The following FAM107B variants were observed in gnomAD, a reference collection of about 807,000 sequenced individuals.
FAM107B encodes the protein family with sequence similarity 107 member B, also known as protein FAM107B.
In FAM107B, 21 loss-of-function variants were observed where a neutral mutation model predicts 31.5. The ratio of observed to expected loss-of-function variants is 0.67; its 90% CI spans 0.47 to 0.96. The LOEUF (loss-of-function observed/expected upper bound fraction) is 0.96, where lower values mean the gene tolerates loss of function less well. Ranked by LOEUF, FAM107B falls within the 40% of genes least tolerant of loss-of-function variation. The probability of loss-of-function intolerance (pLI) is 0.00; values close to 1 mark genes in which losing one functional copy is unlikely to be tolerated. For missense variants in FAM107B, 452 were observed against 377.1 expected (o/e 1.20, Z -1.64); for synonymous variants, 157 against 141.5 (o/e 1.11, Z -0.78).
intron 2 of FAM107B, among the ~76,000 whole-genome samples, chr10:14,618,090 C>A (rs1485663382): frequency 6.6e-6 from 1 of 152,158 alleles, no homozygotes. Context: ...TCCCTCCTCC[C>A]CACCCACAGT....
At chr10:14,643,456 C>A (rs140495450) in intron 2 of FAM107B, among the ~76,000 whole-genome samples, 3 of 149,972 alleles carry the variant, frequency 2.0e-5, no homozygotes, top group African/African-American at 7.4e-5. Context: ...GTCACCCAGG[C>A]TGGAGTGCAG....
intron 2 of FAM107B, among the ~76,000 whole-genome samples, chr10:14,582,558 T>C (rs1167734968): frequency 1.3e-5 from 2 of 151,600 alleles, no homozygotes; most frequent in Non-Finnish European, 2.9e-5. Context: ...TTTGTATTTT[T>C]AGTAGAGACA....
At chr10:14,642,391 G>A (rs1260834419) in intron 2 of FAM107B, among the ~76,000 whole-genome samples, 1 of 152,186 alleles carries the variant, frequency 6.6e-6, no homozygotes, top group Non-Finnish European at 1.5e-5. Context: ...CCAAGGCTCT[G>A]GGCCTGATGA....
At chr10:14,737,800 C>CTCTCTCTCTCTCTCTCTCTCTT (rs59200578) in intron 1 of FAM107B, among the ~76,000 whole-genome samples, 1 of 148,990 alleles carries the variant, frequency 6.7e-6, no homozygotes, top group East Asian at 2.0e-4. Flanking sequence ...CTCTCTCTCT[C>CTCTCTCTCTCTCTCTCTCTCTT]CTTCGTTGGC....
intron 1 of FAM107B, among the ~76,000 whole-genome samples, chr10:14,721,508 T>C (rs1291503843): frequency 2.0e-5 from 3 of 152,206 alleles, no homozygotes; most frequent in Admixed American, 1.3e-4. Flanking sequence ...CCAGCATCTG[T>C]TGTTTCCTGA....
At chr10:14,729,690 A>G (rs1446268205) in intron 1 of FAM107B, among the ~76,000 whole-genome samples, 1 of 152,210 alleles carries the variant, frequency 6.6e-6, no homozygotes, top group African/African-American at 2.4e-5. Context: ...ATTACTGGGT[A>G]TATACCCAAA....
Position 14,519,885 on chromosome 10 carries a change from T to C in FAM107B, c.*1305A>G, listed in dbSNP as rs1223753082. On this transcript the variant is annotated 3_prime_UTR_variant, in exon 5 of 5. Coordinates refer to ENST00000181796, the MANE Select transcript of FAM107B (RefSeq NM_031453.4). ...AGGCAAAAGGTACCGATGCCCACAC[T>C]AGCAGTTTAAAACTAATTTTGCATG... 6.6e-6 allele frequency: 1 copy of C among 152,588 alleles called. No individual in the cohort carries two copies. Among genetic ancestry groups the C allele is most frequent in the East Asian group, 1.9e-4 (1 of 5,198 alleles). 9.5% of individuals were successfully genotyped at this position (152,588 alleles called of 1,614,324 possible). A position where few individuals can be genotyped will look rare whatever the true frequency, so the allele number is the denominator to read the frequency against.
intron 2 of FAM107B, among the ~76,000 whole-genome samples, chr10:14,558,294 C>CT (rs1849891550): frequency 6.7e-6 from 1 of 148,830 alleles, no homozygotes; most frequent in Non-Finnish European, 1.5e-5. Flanking sequence ...CACACACATA[C>CT]ACGCACACAC....
chr10:14,723,359 G>A, intron 1 of FAM107B: 1 of 546,272 alleles, frequency 1.8e-6, no homozygotes, highest in South Asian at 1.4e-5. Context: ...AGGTGCTGGA[G>A]CAGTCGATTT....
intron 1 of FAM107B, among the ~76,000 whole-genome samples, chr10:14,769,103 G>T (rs1285140989): frequency 1.3e-5 from 2 of 152,176 alleles, no homozygotes; most frequent in African/African-American, 4.8e-5. Flanking sequence ...AAAACAGGAA[G>T]ATAAAATCAA....
At chr10:14,741,171 G>T (rs543147420) in intron 1 of FAM107B, among the ~76,000 whole-genome samples, 1 of 152,168 alleles carries the variant, frequency 6.6e-6, no homozygotes, top group Non-Finnish European at 1.5e-5. Flanking sequence ...TTGGGGGCAG[G>T]AACCTGGGCT....
intron 2 of FAM107B, among the ~76,000 whole-genome samples, chr10:14,591,789 A>G (rs1270914669): frequency 6.6e-6 from 1 of 152,206 alleles, no homozygotes; most frequent in Non-Finnish European, 1.5e-5. Context: ...AAAACACTGC[A>G]CATGAATCTG....
At chr10:14,698,596 A>T (rs1187287680) in intron 1 of FAM107B, among the ~76,000 whole-genome samples, 5 of 152,222 alleles carry the variant, frequency 3.3e-5, no homozygotes, top group Non-Finnish European at 7.3e-5. Flanking sequence ...CTCATTTCAT[A>T]TGTGGACATG....
Position 14,629,341 on chromosome 10 carries a change from TAA to T in FAM107B, c.469+38291_469+38292del, listed in dbSNP as rs1227985774. ...AATATATAAATTATATAAATATATG[TAA>T]TTTATATATATAATATATATTATAT... On this transcript the variant is annotated intron_variant, in intron 2 of 4. Transcript: ENST00000181796. Among the ~76,000 whole-genome samples the T allele has an allele frequency of 6.8e-3, 571 of 83,490 alleles. 10 individuals carry two copies. Among genetic ancestry groups the T allele is most frequent in the African/African-American group, 0.024 (553 of 22,782 alleles). The allele number at this position is 83,490 out of a possible 152,430, so 54.8% of individuals were successfully genotyped here. A position where few individuals can be genotyped will look rare whatever the true frequency, so the allele number is the denominator to read the frequency against.
At chr10:14,754,217 G>A (rs112145107) in intron 1 of FAM107B, among the ~76,000 whole-genome samples, 2 of 152,286 alleles carry the variant, frequency 1.3e-5, no homozygotes, top group African/African-American at 4.8e-5. Flanking sequence ...AGGATTACAG[G>A]CGTGAGCCAC....
intron 2 of FAM107B, among the ~76,000 whole-genome samples, chr10:14,535,994 T>A (rs1219976072): frequency 6.6e-6 from 1 of 152,232 alleles, no homozygotes; most frequent in East Asian, 1.9e-4. Context: ...TTGACTGCTT[T>A]CCAGAGGTGA....
intron 2 of FAM107B, among the ~76,000 whole-genome samples, chr10:14,616,178 T>A (rs1173512686): frequency 6.6e-6 from 1 of 152,178 alleles, no homozygotes; most frequent in Non-Finnish European, 1.5e-5. Context: ...GAACTGAGTA[T>A]CTTTATTGAA....
chr10:14,753,851 T>A (rs1195663005), intron 1 of FAM107B, among the ~76,000 whole-genome samples: 1 of 151,836 alleles, frequency 6.6e-6, no homozygotes, highest in African/African-American at 2.4e-5. Flanking sequence ...TCCCCCCACC[T>A]ATATAAAATA....
At chr10:14,768,931 C>T (rs1482777909) in intron 1 of FAM107B, among the ~76,000 whole-genome samples, 2 of 152,176 alleles carry the variant, frequency 1.3e-5, no homozygotes, top group Non-Finnish European at 2.9e-5. Context: ...ATTACCATGG[C>T]CTTGATGCTC....
Sources: allele counts gnomAD v4.1 joint callset (sites outside exome capture counted in the v4.1 genomes callset), GRCh38; gene constraint gnomAD v4.1.1; transcripts MANE v1.5; gene names NCBI Gene and HGNC (gene_info 2026-07-23, HGNC 2026-07-21).